The following LASP1 variants were observed in gnomAD, a reference collection of about 807,000 sequenced individuals.
The protein encoded by LASP1 is LIM and SH3 protein 1.
A neutral mutation model predicts 38.6 loss-of-function variants in LASP1; 10 were observed. The ratio of observed to expected loss-of-function variants is 0.26; its 90% CI spans 0.16 to 0.44. The LOEUF (loss-of-function observed/expected upper bound fraction) is 0.44. Ranked by LOEUF, LASP1 falls within the 20% of genes least tolerant of loss-of-function variation. The pLI is 1.00. For missense variants in LASP1, 243 were observed against 375.7 expected, an observed-to-expected ratio of 0.65 and a Z score of 2.92; for synonymous variants, 132 against 140.8, an observed-to-expected ratio of 0.94 and a Z score of 0.44.
At chr17:38,906,703 CTT>C (rs1466420644) in intron 4 of LASP1, among the ~76,000 whole-genome samples, 1 of 152,136 alleles carries the variant, frequency 6.6e-6, no homozygotes, top group Non-Finnish European at 1.5e-5. Context: ...GAGAGTCAGA[CTT>C]TTATTTTCCA....
At chr17:38,905,586 T>C (rs1389237441) in intron 4 of LASP1, among the ~76,000 whole-genome samples, 1 of 149,854 alleles carries the variant, frequency 6.7e-6, no homozygotes, top group Non-Finnish European at 1.5e-5. Context: ...AATGCGGAAC[T>C]ATTTTCCAAG....
chr17:38,877,108 C>T lies in LASP1; in HGVS notation c.70-978C>T, dbSNP rs370781117. 1.4e-4 allele frequency among the ~76,000 whole-genome samples: 22 copies of T among 152,352 alleles called. No homozygotes were observed. The South Asian group carries it at 2.5e-3, about 17-fold the overall frequency. The stretch of plus-strand genomic sequence containing the variant: ...TCTCCAGTGTGAGCCCTGACCCCCT[C>T]GGCTAAGGTTCACACCTGCTGTGCC... On this transcript the variant is annotated intron_variant, in intron 1 of 6. Transcript: ENST00000318008.
chr17:38,909,345 C>T (rs766453040), intron 4 of LASP1, among the ~76,000 whole-genome samples: 13 of 152,270 alleles, frequency 8.5e-5, no homozygotes, highest in African/African-American at 1.4e-4. Context: ...CGGTGGCTCA[C>T]GGCTGTAATC....
intron 2 of LASP1, among the ~76,000 whole-genome samples, chr17:38,889,054 CTG>C (rs559580932): frequency 4.6e-4 from 70 of 152,356 alleles, no homozygotes; most frequent in Non-Finnish European, 5.6e-4. Flanking sequence ...ACACAGGTGG[CTG>C]TGAGAATTCG....
chr17:38,897,059 G>T (rs1914509416), intron 3 of LASP1: 5 of 985,554 alleles, frequency 5.1e-6, no homozygotes, highest in Non-Finnish European at 6.0e-6. Flanking sequence ...GACTGAGGAA[G>T]AGCTGGTGCT....
In LASP1 at chr17:38,914,342, G is replaced by C; in HGVS notation, c.375G>C (p.Glu125Asp). 1.2e-6 allele frequency: 2 copies of C among 1,610,650 alleles called. No individual in the cohort carries two copies. Among genetic ancestry groups the C allele is most frequent in the Non-Finnish European group, 1.7e-6 (2 of 1,179,202 alleles). ...DQISNIKYHE[E>D]FEKSRMGPSG... The stretch of plus-strand genomic sequence containing the variant: ...CCTTGCAGATAAAATACCATGAGGA[G>C]TTTGAGAAGAGCCGCATGGGCCCTA... Residue 125 changes from glutamate (E) to aspartate (D), a missense_variant, in exon 5 of 7, where the codon GAG (glutamate) becomes GAC (aspartate). Physicochemically the swap from Glu to Asp is conservative, Grantham distance 45. Around this residue, in one of 4 missense-constraint regions of LASP1, gnomAD observed 2 missense variants for 17.3 expected, o/e 0.12. Coordinates refer to ENST00000318008, the MANE Select transcript of LASP1 (RefSeq NM_006148.4).
intron 3 of LASP1, among the ~76,000 whole-genome samples, chr17:38,897,583 G>A (rs180768827): frequency 1.2e-3 from 178 of 152,268 alleles, no homozygotes; most frequent in African/African-American, 4.1e-3. Context: ...AATTCCTTTC[G>A]TGCCAGGGAA....
chr17:38,913,240 TG>T (rs1213687338), intron 4 of LASP1, among the ~76,000 whole-genome samples: 2 of 152,202 alleles, frequency 1.3e-5, no homozygotes, highest in African/African-American at 4.8e-5. Context: ...GAGCCTCACA[TG>T]CCCGCCTAGT....
intron 1 of LASP1, among the ~76,000 whole-genome samples, chr17:38,872,474 G>A (rs1169382912): frequency 6.6e-6 from 1 of 152,158 alleles, no homozygotes; most frequent in African/African-American, 2.4e-5. Flanking sequence ...ATAGGAAGTG[G>A]CCCTGGAGAG....
At chr17:38,904,677 A>G (rs1336847279) in intron 4 of LASP1, 1 of 152,208 alleles carries the variant, frequency 6.6e-6, no homozygotes, top group Non-Finnish European at 1.5e-5. Flanking sequence ...TTAGTTACAC[A>G]TTGGCTATTG....
At chr17:38,912,250 G>C in intron 4 of LASP1, among the ~76,000 whole-genome samples, 1 of 152,264 alleles carries the variant, frequency 6.6e-6, no homozygotes. Context: ...GCTGGCCCAG[G>C]TGGGGCTAGA....
intron 3 of LASP1, among the ~76,000 whole-genome samples, chr17:38,892,169 G>C (rs545528511): frequency 1.3e-5 from 2 of 152,342 alleles, no homozygotes; most frequent in East Asian, 3.9e-4. Context: ...ACTGGGTTCT[G>C]GGAGAAGGTA....
rs180685461 is a variant in LASP1, at chr17:38,920,913, T to A, written c.*2135T>A. ...CAGGGACACATCCCCTTAGAGGACC[T>A]GAGTTTGGGAGAGTGGTGAGTGGAA... is the stretch of plus-strand genomic sequence containing the variant. On this transcript the variant is annotated 3_prime_UTR_variant, in exon 7 of 7. Coordinates refer to ENST00000318008, the MANE Select transcript of LASP1 (RefSeq NM_006148.4). The A allele has an allele frequency of 4.0e-3, 941 of 232,382 alleles. 8 individuals are homozygous for A. Among genetic ancestry groups the A allele is most frequent in the African/African-American group, 0.018 (833 of 45,330 alleles). 14.4% of individuals were successfully genotyped at this position (232,382 alleles called of 1,614,324 possible).
In LASP1 at chr17:38,874,315, C is replaced by T. The variant is rs145547429; in HGVS notation, c.70-3771C>T. Among the ~76,000 whole-genome samples, 8 of 152,180 alleles carry T rather than the reference C, an allele frequency of 5.3e-5. No individual in the cohort carries two copies. In the East Asian group the frequency reaches 1.5e-3, roughly 29 times the overall value. On this transcript the variant is annotated intron_variant, in intron 1 of 6. Coordinates refer to ENST00000318008, the MANE Select transcript of LASP1 (RefSeq NM_006148.4). ...GCCCATGGGGCAGGGCAGAGGCAGA[C>T]GGGGTCACTGTGGGGTCCTCTGGAC... is the stretch of plus-strand genomic sequence containing the variant.
chr17:38,904,005 C>G (rs1914712500), intron 4 of LASP1: 2 of 152,098 alleles, frequency 1.3e-5, no homozygotes, highest in Admixed American at 1.3e-4. Context: ...TTACTGGAGC[C>G]TCTTCTTTTA....
At chr17:38,885,471 A>G in intron 2 of LASP1, among the ~76,000 whole-genome samples, 1 of 152,106 alleles carries the variant, frequency 6.6e-6, no homozygotes, top group East Asian at 1.9e-4. Flanking sequence ...CCTGTCCTAC[A>G]TGCCTCTCCC....
At chr17:38,898,143 A>T (rs1026983608) in intron 3 of LASP1, among the ~76,000 whole-genome samples, 3 of 152,190 alleles carry the variant, frequency 2.0e-5, no homozygotes, top group African/African-American at 7.2e-5. Flanking sequence ...GGCTATATGT[A>T]TGGTGGGATC....
At chr17:38,884,687 C>CTTTT (rs1202417090) in intron 2 of LASP1, among the ~76,000 whole-genome samples, 1,031 of 102,854 alleles carry the variant, frequency 0.01, 65 homozygotes, top group African/African-American at 0.032. Flanking sequence ...CCACGTCCGG[C>CTTTT]TTTTTTTTTT....
At chr17:38,904,833 A>G (rs1306526659) in intron 4 of LASP1, among the ~76,000 whole-genome samples, 1 of 152,244 alleles carries the variant, frequency 6.6e-6, no homozygotes, top group Non-Finnish European at 1.5e-5. Context: ...TCAATAGTAA[A>G]TAGTCAAACA....
Sources: gnomAD v4.1 joint callset for allele counts (sites outside exome capture counted in the v4.1 genomes callset) on GRCh38, gnomAD v4.1.1 for gene constraint, gnomAD v4.1.1 regional missense constraint, MANE v1.5 for transcripts, NCBI Gene and HGNC (gene_info 2026-07-23, HGNC 2026-07-21) for gene names.